CDH13: variants seen among roughly 807,000 people sequenced by gnomAD.
CDH13 encodes cadherin-13.
CDH13 carries 24 observed loss-of-function variants against 63.8 expected under a neutral mutation model. The observed-to-expected ratio is 0.38, with a 90% CI of 0.27 to 0.53. The LOEUF (loss-of-function observed/expected upper bound fraction) is 0.53, where lower values mean the gene tolerates loss of function less well. Among genes scored for constraint, CDH13 ranks in the 20% least tolerant of loss-of-function variants. The probability of loss-of-function intolerance (pLI) is 0.85; values close to 1 mark genes in which losing one functional copy is unlikely to be tolerated. For synonymous variants in CDH13, 503 were observed against 355.3 expected (o/e 1.42, Z -4.67); for missense variants, 1,049 against 903.1 (o/e 1.16, Z -2.07).
chr16:82,830,731 T>C (rs1196025941), intron 1 of CDH13, among the ~76,000 whole-genome samples: 3 of 152,330 alleles, frequency 2.0e-5, no homozygotes, highest in Admixed American at 6.5e-5. Flanking sequence ...GTTTGTTGAA[T>C]AGACCAATAC....
chr16:83,621,071 T>C (rs983583830), intron 8 of CDH13, among the ~76,000 whole-genome samples: 7 of 152,112 alleles, frequency 4.6e-5, no homozygotes, highest in Non-Finnish European at 1.0e-4. Context: ...ACAGGTACCA[T>C]GATCGTAATA....
At chr16:83,388,302 A>AAT (rs369123902) in intron 6 of CDH13, among the ~76,000 whole-genome samples, 2,871 of 149,778 alleles carry the variant, frequency 0.019, 100 homozygotes, top group African/African-American at 0.068. Context: ...AAAAAAAAAA[A>AAT]TGTTAGCCAG....
At chr16:83,192,929 C>T (rs2038765325) in intron 4 of CDH13, among the ~76,000 whole-genome samples, 1 of 152,070 alleles carries the variant, frequency 6.6e-6, no homozygotes, top group Admixed American at 6.6e-5. Context: ...CCAAAAACCA[C>T]AGAAACAATT....
chr16:83,036,538 T>C (rs1045229761), intron 3 of CDH13, among the ~76,000 whole-genome samples: 1 of 152,106 alleles, frequency 6.6e-6, no homozygotes, highest in Non-Finnish European at 1.5e-5. Flanking sequence ...CAAATGCAGT[T>C]ACAACAGAGG....
intron 7 of CDH13, among the ~76,000 whole-genome samples, chr16:83,514,688 A>G (rs1270402724): frequency 6.6e-6 from 1 of 152,130 alleles, no homozygotes; most frequent in South Asian, 2.1e-4. Context: ...AGACACACAG[A>G]AGATCCAGGA....
intron 8 of CDH13, among the ~76,000 whole-genome samples, chr16:83,636,501 T>A (rs1172408265): frequency 6.6e-6 from 1 of 152,172 alleles, no homozygotes; most frequent in Non-Finnish European, 1.5e-5. Flanking sequence ...TTGCACCCAA[T>A]GTTTAACTCT....
chr16:83,659,474 T>C (rs1913240480), intron 8 of CDH13, among the ~76,000 whole-genome samples: 1 of 152,268 alleles, frequency 6.6e-6, no homozygotes, highest in African/African-American at 2.4e-5. Flanking sequence ...TATCATTTGA[T>C]CTTAGAACTA....
At chr16:83,364,101 G>A (rs2091214175) in intron 6 of CDH13, among the ~76,000 whole-genome samples, 1 of 152,164 alleles carries the variant, frequency 6.6e-6, no homozygotes, top group African/African-American at 2.4e-5. Context: ...TTATATAAAT[G>A]TCAACGCAAG....
chr16:82,656,501 C>G (rs895025335), intron 1 of CDH13, among the ~76,000 whole-genome samples: 38 of 152,164 alleles, frequency 2.5e-4, no homozygotes, highest in African/African-American at 8.0e-4. Flanking sequence ...CCCACAAATG[C>G]ACAGCCTTGT....
chr16:83,549,763 A>G (rs2075456739), intron 7 of CDH13, among the ~76,000 whole-genome samples: 1 of 152,216 alleles, frequency 6.6e-6, no homozygotes, highest in African/African-American at 2.4e-5. Flanking sequence ...CTTGTCAACT[A>G]AAGAAAGGGG....
chr16:83,086,486 G>GCA (rs2033602664), intron 3 of CDH13, among the ~76,000 whole-genome samples: 3 of 151,634 alleles, frequency 2.0e-5, no homozygotes, highest in Non-Finnish European at 4.4e-5. Context: ...AGCTGTTTCT[G>GCA]TCCCAGATCC....
chr16:83,083,856 G>T (rs770659553), intron 3 of CDH13, among the ~76,000 whole-genome samples: 35 of 152,258 alleles, frequency 2.3e-4, no homozygotes, highest in Admixed American at 1.4e-3. Context: ...CCACCCATTT[G>T]CCTATCCCAA....
At chr16:83,767,207 G>C (rs150109440) in intron 11 of CDH13, among the ~76,000 whole-genome samples, 26 of 151,718 alleles carry the variant, frequency 1.7e-4, no homozygotes, top group African/African-American at 6.0e-4. Flanking sequence ...TTTGTGTTCC[G>C]ATGTGGATAG....
intron 10 of CDH13, among the ~76,000 whole-genome samples, chr16:83,709,177 C>G (rs1156638027): frequency 6.6e-6 from 1 of 152,176 alleles, no homozygotes; most frequent in Non-Finnish European, 1.5e-5. Context: ...TCTCTAGATT[C>G]TGGAAAGAGC....
intron 6 of CDH13, among the ~76,000 whole-genome samples, chr16:83,417,709 G>A (rs1296014077): frequency 6.6e-6 from 1 of 152,188 alleles, no homozygotes; most frequent in Non-Finnish European, 1.5e-5. Context: ...CTCTTACGAA[G>A]CAGACAGGCT....
chr16:83,703,076 C>T (rs543171403), intron 10 of CDH13, among the ~76,000 whole-genome samples: 1 of 152,298 alleles, frequency 6.6e-6, no homozygotes, highest in East Asian at 1.9e-4. Flanking sequence ...GAGCGTTCCT[C>T]CTTGGGTCAT....
At chr16:83,721,205 G>C (rs1909650897) in intron 10 of CDH13, 1 of 152,234 alleles carries the variant, frequency 6.6e-6, no homozygotes, top group Non-Finnish European at 1.5e-5. Context: ...ATCCAGAACA[G>C]TTTAATTGGG....
chr16:83,794,992 C>A lies in CDH13; in HGVS notation c.2135-31C>A, dbSNP rs375516667. 89 of 1,583,526 alleles carry A rather than the reference C, an allele frequency of 5.6e-5. No homozygotes were observed. The African/African-American group carries it at 1.1e-3, about 20-fold the overall frequency. ...ATGTTTTGAATTGAGTGGTGATATT[C>A]CCGACTTAACTCTGAACCCTCTCTA... On this transcript the variant is annotated intron_variant, in intron 13 of 13. Coordinates refer to ENST00000567109, the MANE Select transcript of CDH13 (RefSeq NM_001257.5).
At chr16:83,282,805 G>A (rs2089212932) in intron 5 of CDH13, among the ~76,000 whole-genome samples, 1 of 152,228 alleles carries the variant, frequency 6.6e-6, no homozygotes, top group Non-Finnish European at 1.5e-5. Context: ...CAGGGCTGCT[G>A]ATGGGTGGAT....
Sources: gnomAD v4.1 joint callset for allele counts (sites outside exome capture counted in the v4.1 genomes callset) on GRCh38, gnomAD v4.1.1 for gene constraint, MANE v1.5 for transcripts, NCBI Gene and HGNC (gene_info 2026-07-23, HGNC 2026-07-21) for gene names.